Variants in PAH observed in about 807,000 individuals in gnomAD.
PAH encodes phenylalanine-4-hydroxylase.
A neutral mutation model predicts 62.0 loss-of-function variants in PAH; 64 were observed. The observed-to-expected ratio is 1.03, with a 90% CI of 0.84 to 1.27. The LOEUF (loss-of-function observed/expected upper bound fraction) is 1.27. PAH is among the 50% of genes most tolerant of loss of function. The pLI, the probability that PAH is intolerant of heterozygous loss-of-function variation, is 0.00. For missense variants in PAH, 579 were observed against 542.8 expected (o/e 1.07, Z -0.66); for synonymous variants, 195 against 196.2 (o/e 0.99, Z 0.05).
intron 8 of PAH, among the ~76,000 whole-genome samples, chr12:102,849,121 C>T (rs1414428917): frequency 2.0e-5 from 3 of 152,098 alleles, no homozygotes; most frequent in Non-Finnish European, 4.4e-5. Context: ...TAGCAGTAGA[C>T]ATAATTGAAA....
At chr12:102,871,950 ATATATATAT>A (rs370569535) in intron 4 of PAH, among the ~76,000 whole-genome samples, 3 of 21,696 alleles carry the variant, frequency 1.4e-4, no homozygotes, top group East Asian at 1.8e-3. Context: ...AAAAAAAAAA[ATATATATAT>A]ATATATATAT....
At chr12:102,899,355 C>A (rs1335382704) in intron 2 of PAH, among the ~76,000 whole-genome samples, 6 of 152,114 alleles carry the variant, frequency 3.9e-5, no homozygotes. Flanking sequence ...TCATACCCCA[C>A]CCCTGGAAGC....
At chr12:102,848,300 A>C (rs1874964544) in intron 8 of PAH, among the ~76,000 whole-genome samples, 1 of 142,138 alleles carries the variant, frequency 7.0e-6, no homozygotes, top group Admixed American at 6.7e-5. Context: ...TTAAGTGTAG[A>C]CAGGACACCA....
chr12:102,911,817 G>C (rs1194470937), intron 2 of PAH, among the ~76,000 whole-genome samples: 1 of 152,174 alleles, frequency 6.6e-6, no homozygotes, highest in Non-Finnish European at 1.5e-5. Context: ...AACACACTGA[G>C]CACTAAGTAT....
At chr12:102,897,481 AT>A (rs1222378660) in intron 2 of PAH, among the ~76,000 whole-genome samples, 3,463 of 146,570 alleles carry the variant, frequency 0.024, 176 homozygotes, top group African/African-American at 0.082. Context: ...ATATATATAT[AT>A]ATATATATAT....
chr12:102,884,191 C>A (rs1357122622), intron 3 of PAH, among the ~76,000 whole-genome samples: 1 of 152,182 alleles, frequency 6.6e-6, no homozygotes, highest in Non-Finnish European at 1.5e-5. Flanking sequence ...CAGACCTAAC[C>A]ATTAAGAGAA....
chr12:102,838,992 AG>A lies in PAH; in HGVS notation c.*182del, dbSNP rs1336082603. The A allele has an allele frequency of 1.6e-6, 1 of 630,278 alleles. No individual in the cohort carries two copies. Among genetic ancestry groups the A allele is most frequent in the East Asian group, 2.7e-5 (1 of 36,514 alleles). The allele number at this position is 630,278 out of a possible 1,614,324, so 39.0% of individuals were successfully genotyped here. A position where few individuals can be genotyped will look rare whatever the true frequency, so the allele number is the denominator to read the frequency against. On this transcript the variant is annotated 3_prime_UTR_variant, in exon 13 of 13. Transcript: ENST00000553106. ...CAAAAGATTTACCATTATGCTCTTGAGTATGTACTCATATCCTGTCATTTCA... is the reference window on the plus strand; with the variant it reads ...CAAAAGATTTACCATTATGCTCTTGATATGTACTCATATCCTGTCATTTCA...
At chr12:102,880,447 T>C (rs1275982332) in intron 3 of PAH, among the ~76,000 whole-genome samples, 1 of 152,164 alleles carries the variant, frequency 6.6e-6, no homozygotes, top group Non-Finnish European at 1.5e-5. Flanking sequence ...CTCTTTCCTC[T>C]ATGTTCAGGA....
chr12:102,926,068 A>T (rs1045695492), intron 1 of PAH, among the ~76,000 whole-genome samples: 1 of 151,272 alleles, frequency 6.6e-6, no homozygotes, highest in African/African-American at 2.5e-5. Flanking sequence ...GGCACTGTTT[A>T]TGATAAACAG....
In PAH at chr12:102,909,435, C is replaced by G. The variant is rs185240531; in HGVS notation, c.168+3356G>C. On this transcript the variant is annotated intron_variant, in intron 2 of 12. Coordinates refer to ENST00000553106, the MANE Select transcript of PAH (RefSeq NM_000277.3). ...TTAAGGAAAGGTTTGTTTTAATATT[C>G]AGTTTCTTTTTGAATAATGTTGATT... 1.7e-3 allele frequency among the ~76,000 whole-genome samples: 259 copies of G among 151,838 alleles called. 2 individuals carry two copies. The highest frequency in any genetic ancestry group is 2.0e-3 in the Non-Finnish European group (138 of 67,886).
chr12:102,932,524 G>C (rs575189939), intron 1 of PAH, among the ~76,000 whole-genome samples: 32 of 152,328 alleles, frequency 2.1e-4, no homozygotes, highest in African/African-American at 7.7e-4. Context: ...GATGACAAGA[G>C]GAGAAGGACA....
At chr12:102,841,421 A>G (rs1592946163) in intron 11 of PAH, among the ~76,000 whole-genome samples, 1 of 152,100 alleles carries the variant, frequency 6.6e-6, no homozygotes, top group Non-Finnish European at 1.5e-5. Context: ...GTGGCTCCCC[A>G]AGTTCCAAGT....
intron 5 of PAH, among the ~76,000 whole-genome samples, chr12:102,858,368 A>T (rs1875543655): frequency 6.6e-6 from 1 of 152,206 alleles, no homozygotes; most frequent in Non-Finnish European, 1.5e-5. Context: ...CTCCCACACA[A>T]TAGTAATGAG....
chr12:102,862,621 CA>C (rs1326525230), intron 5 of PAH, among the ~76,000 whole-genome samples: 1 of 152,112 alleles, frequency 6.6e-6, no homozygotes, highest in Admixed American at 6.6e-5. Context: ...GTGTTCGGAA[CA>C]GCACAAACAG....
chr12:102,938,930 G>A (rs890573031), intron 1 of PAH, among the ~76,000 whole-genome samples: 4 of 152,150 alleles, frequency 2.6e-5, no homozygotes, highest in Non-Finnish European at 5.9e-5. Flanking sequence ...TCTGTGAGGT[G>A]GAATACCTAG....
chr12:102,920,664 C>A (rs1878528272), upstream of PAH, among the ~76,000 whole-genome samples: 1 of 152,176 alleles, frequency 6.6e-6, no homozygotes, highest in African/African-American at 2.4e-5. Context: ...GAGGCAACTT[C>A]TCTAATATGA....
intron 1 of PAH, chr12:102,913,839 G>T (rs1383894050): frequency 4.3e-6 from 3 of 701,854 alleles, no homozygotes; most frequent in Non-Finnish European, 7.8e-6. Context: ...TGGGGTTAGG[G>T]CTGACATTCC....
intron 4 of PAH, among the ~76,000 whole-genome samples, chr12:102,874,390 C>G (rs1440775261): frequency 6.6e-6 from 1 of 152,208 alleles, no homozygotes; most frequent in East Asian, 1.9e-4. Flanking sequence ...CAACCACAGG[C>G]CCCTGGAGGG....
chr12:102,945,271 G>A (rs1879453432), intron 1 of PAH: 1 of 152,680 alleles, frequency 6.5e-6, no homozygotes, highest in Non-Finnish European at 1.5e-5. Flanking sequence ...GGCAACTACT[G>A]CCTGGCTACT....
Sources: gnomAD v4.1 joint callset for allele counts (sites outside exome capture counted in the v4.1 genomes callset) on GRCh38, gnomAD v4.1.1 for gene constraint, MANE v1.5 for transcripts, NCBI Gene and HGNC (gene_info 2026-07-23, HGNC 2026-07-21) for gene names.